RWDD2A: variants seen among roughly 807,000 people sequenced by gnomAD.
RWDD2A encodes RWD domain containing 2A.
In RWDD2A, 15 loss-of-function variants were observed where a neutral mutation model predicts 23.1. That is an observed-to-expected ratio of 0.65 (90% CI 0.43 to 1.00). The LOEUF (loss-of-function observed/expected upper bound fraction) is 1.00, where lower values mean the gene tolerates loss of function less well. Among genes scored for constraint, RWDD2A ranks in the 50% least tolerant of loss-of-function variants. RWDD2A has a pLI of 0.00. For synonymous variants in RWDD2A, 103 were observed against 123.0 expected (o/e 0.84, Z 1.08); for missense variants, 310 against 341.7 (o/e 0.91, Z 0.73).
chr6:83,194,714 T>C, intron 2 of RWDD2A, 62 bp downstream of exon 2: 1 of 1,187,774 alleles, frequency 8.4e-7, no homozygotes, highest in South Asian at 1.3e-5. Flanking sequence ...ATCTAGAACA[T>C]GAGCTTTCTG....
rs372971867 is a variant in RWDD2A at position 83,196,279 on chromosome 6, A to G, written c.*7A>G. 6 of 1,530,944 alleles carry G rather than the reference A, an allele frequency of 3.9e-6. No homozygotes were observed. In the African/African-American group the frequency reaches 8.3e-5, roughly 21 times the overall value. 94.8% of individuals were successfully genotyped at this position (1,530,944 alleles called of 1,614,324 possible). ...CAAAAGTTCAGACTCATAAAAAGCG[A>G]TTAAGAGGCCTATGCCTGTAATTTC... On this transcript the variant is annotated 3_prime_UTR_variant, in exon 3 of 3. Coordinates refer to ENST00000369724, the MANE Select transcript of RWDD2A (RefSeq NM_033411.5).
At position 83,198,195 on chromosome 6, in the gene RWDD2A, C is replaced by T. The variant is rs2128520201; in HGVS notation, c.*1923C>T. ...CAGATGTAACTCCATCCAAATGAAT[C>T]AATATGTGCCATCAACCTACCTTAT... is the stretch of plus-strand genomic sequence containing the variant. On this transcript the variant is annotated 3_prime_UTR_variant, in exon 3 of 3. Coordinates refer to ENST00000369724, the MANE Select transcript of RWDD2A (RefSeq NM_033411.5). The T allele has an allele frequency of 6.6e-6, 1 of 152,264 alleles. No individual in the cohort carries two copies. The highest frequency in any genetic ancestry group is 1.9e-4 in the East Asian group (1 of 5,174). The allele number at this position is 152,264 out of a possible 1,614,324, so 9.4% of individuals were successfully genotyped here. A position where few individuals can be genotyped will look rare whatever the true frequency, so the allele number is the denominator to read the frequency against.
At position 83,198,212 on chromosome 6, in the gene RWDD2A, C is replaced by T. The variant is rs1411830334; in HGVS notation, c.*1940C>T. The T allele has an allele frequency of 6.6e-6, 1 of 152,174 alleles. No individual in the cohort carries two copies. Among genetic ancestry groups the T allele is most frequent in the Non-Finnish European group, 1.5e-5 (1 of 68,032 alleles). The allele number at this position is 152,174 out of a possible 1,614,324, so 9.4% of individuals were successfully genotyped here. On this transcript the variant is annotated 3_prime_UTR_variant, in exon 3 of 3. Transcript: ENST00000369724. The stretch of plus-strand genomic sequence containing the variant: ...AAATGAATCAATATGTGCCATCAAC[C>T]TACCTTATAGAGGTGTTTTTCCTGA...
At position 83,198,266 on chromosome 6, in the gene RWDD2A, A is replaced by G. The variant is rs1246125452; in HGVS notation, c.*1994A>G. 1.3e-5 allele frequency: 2 copies of G among 152,186 alleles called. No homozygotes were observed. Among genetic ancestry groups the G allele is most frequent in the Admixed American group, 6.5e-5 (1 of 15,280 alleles). The allele number at this position is 152,186 out of a possible 1,614,324, so 9.4% of individuals were successfully genotyped here. A position where few individuals can be genotyped will look rare whatever the true frequency, so the allele number is the denominator to read the frequency against. On this transcript the variant is annotated 3_prime_UTR_variant, in exon 3 of 3. Coordinates refer to ENST00000369724, the MANE Select transcript of RWDD2A (RefSeq NM_033411.5). Reference sequence around the variant, plus strand: ...CATGAGCAAAAGTAGCTACAGAAAGATGGGTGTAAAGAAAAGGCAATAAAT... The same window carrying G: ...CATGAGCAAAAGTAGCTACAGAAAGGTGGGTGTAAAGAAAAGGCAATAAAT...
Position 83,195,999 on chromosome 6 carries a change from G to T in RWDD2A, c.606G>T (p.Glu202Asp). 6.2e-7 allele frequency: 1 copy of T among 1,614,210 alleles called. No homozygotes were observed. Among genetic ancestry groups the T allele is most frequent in the Middle Eastern group, 1.6e-4 (1 of 6,062 alleles). The change falls in exon 3 of 3, where the codon GAG becomes GAT. Residue 202 changes from glutamate (E) to aspartate (D), a missense_variant. Transcript: ENST00000369724. ...PGIICVEGFK[E>D]HCEEFWHTIR... ...TAATCTGTGTGGAGGGTTTCAAAGA[G>T]CACTGTGAGGAGTTCTGGCACACAA... is the stretch of plus-strand genomic sequence containing the variant.
At position 83,197,794 on chromosome 6, in the gene RWDD2A, G is replaced by A. The variant is rs1448927109; in HGVS notation, c.*1522G>A. On this transcript the variant is annotated 3_prime_UTR_variant, in exon 3 of 3. Transcript: ENST00000369724. ...CTTGGGCTACAGAGAGGACATGATG[G>A]AGCAGGAGGCCCTATCCCAAGGAGG... 6.6e-6 allele frequency: 1 copy of A among 152,234 alleles called. No individual in the cohort carries two copies. The allele number at this position is 152,234 out of a possible 1,614,324, so 9.4% of individuals were successfully genotyped here.
At chr6:83,193,634 G>T (rs1283902548) in intron 1 of RWDD2A, among the ~76,000 whole-genome samples, 191 bp downstream of exon 1, 1 of 152,158 alleles carries the variant, frequency 6.6e-6, no homozygotes. Flanking sequence ...CCGTCGCTGG[G>T]CCTCGGACAG....
Position 83,194,617 on chromosome 6 carries a change from GA to G in RWDD2A, c.168del (p.Glu56AspfsTer3). On this transcript the variant is annotated frameshift_variant, in exon 2 of 3. Coordinates refer to ENST00000369724, the MANE Select transcript of RWDD2A (RefSeq NM_033411.5). LOFTEE classifies it high-confidence loss of function. ...GTREALPPKI[E>X]FVITLQIEEP... Reference sequence around the variant, plus strand: ...AAGGGAGGCGCTGCCACCAAAAATCGAATTTGTAATTACACTCCAGATTGAA... The same window carrying G: ...AAGGGAGGCGCTGCCACCAAAAATCGATTTGTAATTACACTCCAGATTGAA... 3.1e-6 allele frequency: 5 copies of G among 1,614,160 alleles called. No individual in the cohort carries two copies. Among genetic ancestry groups the G allele is most frequent in the Non-Finnish European group, 4.2e-6 (5 of 1,180,020 alleles).
Position 83,196,195 on chromosome 6 carries a change from G to A in RWDD2A, c.802G>A (p.Glu268Lys). 2 of 1,608,684 alleles carry A rather than the reference G, an allele frequency of 1.2e-6. No individual in the cohort carries two copies. Among genetic ancestry groups the A allele is most frequent in the Non-Finnish European group, 1.7e-6 (2 of 1,178,290 alleles). Residue 268 changes from glutamate (E) to lysine (K), a missense_variant, in exon 3 of 3, where the codon GAA becomes AAA. Glu to Lys is a moderately conservative substitution (Grantham distance 56). Transcript: ENST00000369724. ...TCACATGAATCTGGGCCAATTCTTA[G>A]AATTTCTCAAGAAGCACAAAAGTGA... ...DYHMNLGQFL[E>K]FLKKHKSEHV...
At position 83,197,149 on chromosome 6, in the gene RWDD2A, A is replaced by G. The variant is rs1417070904; in HGVS notation, c.*877A>G. 2.0e-5 allele frequency: 3 copies of G among 152,220 alleles called. No individual in the cohort carries two copies. The highest frequency in any genetic ancestry group is 1.9e-4 in the East Asian group (1 of 5,202). 9.4% of individuals were successfully genotyped at this position (152,220 alleles called of 1,614,324 possible). A position where few individuals can be genotyped will look rare whatever the true frequency, so the allele number is the denominator to read the frequency against. On this transcript the variant is annotated 3_prime_UTR_variant, in exon 3 of 3. Transcript: ENST00000369724. ...TTTATATCAGTTCATGATACTAGCA[A>G]TCCTGATACCAGTATTAGTTTAATT...
In RWDD2A at chr6:83,195,581, A is replaced by G; in HGVS notation, c.202-14A>G. The stretch of plus-strand genomic sequence containing the variant: ...ATGTTATGGTATTTAAATCTATTTG[A>G]TTTTCATTTTAAGGTGAAAATTGAT... On this transcript the variant is annotated splice_polypyrimidine_tract_variant and intron_variant, in intron 2 of 2. Coordinates refer to ENST00000369724, the MANE Select transcript of RWDD2A (RefSeq NM_033411.5). 1 of 1,598,334 alleles carries G rather than the reference A, an allele frequency of 6.3e-7. No individual in the cohort carries two copies. The highest frequency in any genetic ancestry group is 8.6e-7 in the Non-Finnish European group (1 of 1,167,570).
Position 83,195,721 on chromosome 6 carries a change from A to G in RWDD2A, c.328A>G (p.Ile110Val), listed in dbSNP as rs868114538. The G allele has an allele frequency of 2.5e-6, 4 of 1,614,078 alleles. No homozygotes were observed. Among genetic ancestry groups the G allele is most frequent in the Admixed American group, 3.3e-5 (2 of 60,010 alleles). ...TCTCAACAAAGGTCTCACTTCTTAC[A>G]TAGGGACTTTTGATCCAGGTGAGCT... is the stretch of plus-strand genomic sequence containing the variant. ...LLLNKGLTSY[I>V]GTFDPGELCV... Residue 110 changes from isoleucine (I) to valine (V), a missense_variant, in exon 3 of 3, where the codon ATA (isoleucine) becomes GTA (valine). By Grantham distance (29) the Ile-to-Val change is conservative. Coordinates refer to ENST00000369724, the MANE Select transcript of RWDD2A (RefSeq NM_033411.5).
In RWDD2A at chr6:83,194,565, G is replaced by A; in HGVS notation, c.114G>A (p.Thr38=). The change falls in exon 2 of 3, where the codon ACG becomes ACA. Residue 38 remains threonine (T), a synonymous_variant. Transcript: ENST00000369724. ...EVKLEDVNAL[T]NIKRYLEGTR... ...AACTTGAAGATGTAAATGCCCTGAC[G>A]AATATAAAGAGGTATTTGGAAGGCA... 3 of 1,614,078 alleles carry A rather than the reference G, an allele frequency of 1.9e-6. No homozygotes were observed. The highest frequency in any genetic ancestry group is 1.7e-6 in the Non-Finnish European group (2 of 1,180,018).
In RWDD2A at chr6:83,197,311, A is replaced by C. The variant is rs905352675; in HGVS notation, c.*1039A>C. 1 of 152,176 alleles carries C rather than the reference A, an allele frequency of 6.6e-6. No individual in the cohort carries two copies. Among genetic ancestry groups the C allele is most frequent in the African/African-American group, 2.4e-5 (1 of 41,422 alleles). 9.4% of individuals were successfully genotyped at this position (152,176 alleles called of 1,614,324 possible). ...TGAGGGGACCAGTGTGGATATCTGC[A>C]TCATTACCTTATTGGGAAAAAAAAA... On this transcript the variant is annotated 3_prime_UTR_variant, in exon 3 of 3. Coordinates refer to ENST00000369724, the MANE Select transcript of RWDD2A (RefSeq NM_033411.5).
Position 83,197,730 on chromosome 6 carries a change from A to T in RWDD2A, c.*1458A>T, listed in dbSNP as rs748281821. The T allele has an allele frequency of 6.6e-6, 1 of 152,310 alleles. No homozygotes were observed. The highest frequency in any genetic ancestry group is 1.5e-5 in the Non-Finnish European group (1 of 68,122). 9.4% of individuals were successfully genotyped at this position (152,310 alleles called of 1,614,324 possible). A position where few individuals can be genotyped will look rare whatever the true frequency, so the allele number is the denominator to read the frequency against. ...CTACAGAACTTCTGATGAAACTACC[A>T]TCTGGTTTTACCCTCTGTGCCGTGG... is the stretch of plus-strand genomic sequence containing the variant. On this transcript the variant is annotated 3_prime_UTR_variant, in exon 3 of 3. Coordinates refer to ENST00000369724, the MANE Select transcript of RWDD2A (RefSeq NM_033411.5).
chr6:83,198,164 C>T lies in RWDD2A; in HGVS notation c.*1892C>T, dbSNP rs1358024160. Reference sequence around the variant, plus strand: ...TAATTCGCATTTACAAGTTTTAGGCCTTCAACAGATGTAACTCCATCCAAA... The same window carrying T: ...TAATTCGCATTTACAAGTTTTAGGCTTTCAACAGATGTAACTCCATCCAAA... On this transcript the variant is annotated 3_prime_UTR_variant, in exon 3 of 3. Transcript: ENST00000369724. The T allele has an allele frequency of 6.6e-6, 1 of 152,202 alleles. No homozygotes were observed. The highest frequency in any genetic ancestry group is 1.5e-5 in the Non-Finnish European group (1 of 68,036). The allele number at this position is 152,202 out of a possible 1,614,324, so 9.4% of individuals were successfully genotyped here.
chr6:83,194,462 C>T lies in RWDD2A; in HGVS notation c.11C>T (p.Ser4Leu), dbSNP rs1254654150. Residue 4 changes from serine (S) to leucine (L), a missense_variant, in exon 2 of 3, where the codon TCG becomes TTG. Ser to Leu is a moderately radical substitution (Grantham distance 145, BLOSUM62 -2). Coordinates refer to ENST00000369724, the MANE Select transcript of RWDD2A (RefSeq NM_033411.5). Reference sequence around the variant, plus strand: ...TGATTGCGAGGCAACATGTCTGCTTCGGTGAAAGAAAGCCTTCAGCTTCAG... The same window carrying T: ...TGATTGCGAGGCAACATGTCTGCTTTGGTGAAAGAAAGCCTTCAGCTTCAG... Reference protein sequence around the residue: MSASVKESLQLQLL... With the variant: MSALVKESLQLQLL... 4 of 1,613,520 alleles carry T rather than the reference C, an allele frequency of 2.5e-6. No homozygotes were observed. The highest frequency in any genetic ancestry group is 3.4e-6 in the Non-Finnish European group (4 of 1,179,868).
chr6:83,193,655 C>T (rs919770235), intron 1 of RWDD2A, among the ~76,000 whole-genome samples: 43 of 152,306 alleles, frequency 2.8e-4, no homozygotes, highest in African/African-American at 7.0e-4. Flanking sequence ...GGCGACCTCG[C>T]CCACAGTGAG....
At position 83,198,392 on chromosome 6, in the gene RWDD2A, T is replaced by C. The variant is rs1270100978; in HGVS notation, c.*2120T>C. ...AATTTGAGCATTCTGCAATACTTTT[T>C]TTCCTATCAGGAAAACTAATGCAGA... On this transcript the variant is annotated 3_prime_UTR_variant, in exon 3 of 3. Transcript: ENST00000369724. 6.6e-6 allele frequency: 1 copy of C among 152,250 alleles called. No individual in the cohort carries two copies. The highest frequency in any genetic ancestry group is 1.9e-4 in the East Asian group (1 of 5,202). The allele number at this position is 152,250 out of a possible 1,614,324, so 9.4% of individuals were successfully genotyped here. A position where few individuals can be genotyped will look rare whatever the true frequency, so the allele number is the denominator to read the frequency against.
Sources: allele counts gnomAD v4.1 joint callset (sites outside exome capture counted in the v4.1 genomes callset), GRCh38; gene constraint gnomAD v4.1.1; transcripts MANE v1.5; gene names NCBI Gene and HGNC (gene_info 2026-07-23, HGNC 2026-07-21).